The following CACNA2D1 variants were observed in gnomAD, a reference collection of about 807,000 sequenced individuals.
CACNA2D1 encodes the protein voltage-dependent calcium channel subunit alpha-2/delta-1.
Under a neutral mutation model 171.5 loss-of-function variants are expected in CACNA2D1, and 53 were observed. The ratio of observed to expected loss-of-function variants is 0.31; its 90% CI spans 0.25 to 0.39. The LOEUF (loss-of-function observed/expected upper bound fraction) is 0.39. CACNA2D1 is among the 10% of genes least tolerant of loss of function. The pLI, the probability that CACNA2D1 is intolerant of heterozygous loss-of-function variation, is 1.00. For synonymous variants in CACNA2D1, 442 were observed against 443.1 expected, an observed-to-expected ratio of 1.00 and a Z score of 0.03; for missense variants, 903 against 1,299.8, an observed-to-expected ratio of 0.69 and a Z score of 4.69.
chr7:82,359,323 CATG>C (rs1309308264), intron 1 of CACNA2D1, among the ~76,000 whole-genome samples: 1 of 151,938 alleles, frequency 6.6e-6, no homozygotes, highest in Non-Finnish European at 1.5e-5. Context: ...ATTTAATTAC[CATG>C]ATATTACTTA....
At chr7:82,077,531 A>G (rs984212871) in intron 7 of CACNA2D1, among the ~76,000 whole-genome samples, 3 of 152,168 alleles carry the variant, frequency 2.0e-5, no homozygotes, top group Non-Finnish European at 4.4e-5. Flanking sequence ...GCCCCAGTCT[A>G]CGTTAACTCT....
At chr7:82,162,605 T>C (rs112780335) in intron 4 of CACNA2D1, among the ~76,000 whole-genome samples, 1 of 151,646 alleles carries the variant, frequency 6.6e-6, no homozygotes. Context: ...AAAATGTAGA[T>C]GAATATTCTT....
intron 3 of CACNA2D1, among the ~76,000 whole-genome samples, chr7:82,243,958 G>C (rs2129300135): frequency 6.6e-6 from 1 of 152,178 alleles, no homozygotes; most frequent in South Asian, 2.1e-4. Context: ...AGGGACCAAA[G>C]ACTTAAAGAT....
intron 10 of CACNA2D1, among the ~76,000 whole-genome samples, chr7:82,048,380 C>A (rs1405739457): frequency 6.6e-6 from 1 of 151,960 alleles, no homozygotes; most frequent in Non-Finnish European, 1.5e-5. Flanking sequence ...CAAAACATTA[C>A]AAAGGTGAAT....
chr7:82,318,691 A>C (rs1450061654), intron 3 of CACNA2D1, among the ~76,000 whole-genome samples: 6 of 152,210 alleles, frequency 3.9e-5, no homozygotes, highest in Non-Finnish European at 8.8e-5. Context: ...ATCTGATGTA[A>C]AATAAAACAG....
intron 3 of CACNA2D1, among the ~76,000 whole-genome samples, chr7:82,174,329 G>A (rs551251798): frequency 2.8e-4 from 43 of 151,968 alleles, no homozygotes; most frequent in Non-Finnish European, 4.0e-4. Flanking sequence ...CTAATATTAC[G>A]ATATTCAGCA....
chr7:82,254,247 G>A (rs1806011162), intron 3 of CACNA2D1, among the ~76,000 whole-genome samples: 3 of 151,988 alleles, frequency 2.0e-5, no homozygotes, highest in Middle Eastern at 6.8e-3. Context: ...TTTCCCGAAT[G>A]TGCTTAGTAG....
intron 7 of CACNA2D1, among the ~76,000 whole-genome samples, chr7:82,082,708 T>C (rs1306192157): frequency 1.3e-5 from 2 of 151,132 alleles, no homozygotes; most frequent in African/African-American, 4.9e-5. Context: ...TGGAAACCCG[T>C]CCCATCTTCA....
chr7:82,303,145 C>T (rs972481228), intron 3 of CACNA2D1, among the ~76,000 whole-genome samples: 1 of 152,270 alleles, frequency 6.6e-6, no homozygotes, highest in African/African-American at 2.4e-5. Flanking sequence ...AGGCGCCCGC[C>T]ACCATGCCCA....
chr7:81,954,462 A>G (rs1196553786), intron 38 of CACNA2D1, among the ~76,000 whole-genome samples: 1 of 152,058 alleles, frequency 6.6e-6, no homozygotes, highest in Non-Finnish European at 1.5e-5. Context: ...AGTAAAATTC[A>G]TATGGTTTTT....
intron 1 of CACNA2D1, among the ~76,000 whole-genome samples, chr7:82,416,303 C>T (rs1353122279): frequency 6.6e-6 from 1 of 152,038 alleles, no homozygotes; most frequent in Non-Finnish European, 1.5e-5. Context: ...TGACAGTATG[C>T]TCCACCAGTC....
intron 3 of CACNA2D1, among the ~76,000 whole-genome samples, chr7:82,304,531 A>C (rs887592229): frequency 2.0e-5 from 3 of 152,164 alleles, no homozygotes; most frequent in Admixed American, 6.5e-5. Flanking sequence ...ACAAAAAAAG[A>C]ATGAAATTTT....
chr7:82,343,640 G>GT (rs1472531778), intron 2 of CACNA2D1, among the ~76,000 whole-genome samples: 6 of 151,954 alleles, frequency 3.9e-5, no homozygotes, highest in Non-Finnish European at 8.8e-5. Context: ...CTCTCTACCT[G>GT]TTTTTTTGTT....
At chr7:82,304,696 G>T (rs919951806) in intron 3 of CACNA2D1, among the ~76,000 whole-genome samples, 2 of 152,076 alleles carry the variant, frequency 1.3e-5, no homozygotes, top group Non-Finnish European at 2.9e-5. Flanking sequence ...ATAACCAGAG[G>T]CTAGGAATAT....
intron 3 of CACNA2D1, among the ~76,000 whole-genome samples, chr7:82,245,043 A>G (rs1804738279): frequency 1.3e-5 from 2 of 152,192 alleles, no homozygotes; most frequent in East Asian, 3.8e-4. Flanking sequence ...ATCTTTGATC[A>G]TTACTGCCTC....
chr7:82,281,309 G>A (rs561556047), intron 3 of CACNA2D1, among the ~76,000 whole-genome samples: 35 of 152,278 alleles, frequency 2.3e-4, no homozygotes, highest in African/African-American at 7.9e-4. Context: ...GTTTTTATAA[G>A]AACAAGTCAT....
chr7:82,375,871 C>T (rs911055464), intron 1 of CACNA2D1, among the ~76,000 whole-genome samples: 4 of 152,124 alleles, frequency 2.6e-5, no homozygotes, highest in African/African-American at 4.8e-5. Flanking sequence ...GTGATTGCCT[C>T]GGGCTCTCCT....
chr7:82,139,116 T>C (rs1792056454), intron 4 of CACNA2D1, among the ~76,000 whole-genome samples: 1 of 152,092 alleles, frequency 6.6e-6, no homozygotes, highest in Non-Finnish European at 1.5e-5. Flanking sequence ...AAAAAATAAC[T>C]CAAACCTATC....
intron 3 of CACNA2D1, among the ~76,000 whole-genome samples, chr7:82,220,258 A>C (rs2129246468): frequency 6.6e-6 from 1 of 152,342 alleles, no homozygotes; most frequent in Middle Eastern, 3.4e-3. Context: ...GGAAATCAAT[A>C]GATTGACGGT....
Sources: allele counts gnomAD v4.1 joint callset (sites outside exome capture counted in the v4.1 genomes callset), GRCh38; gene constraint gnomAD v4.1.1; transcripts MANE v1.5; gene names NCBI Gene and HGNC (gene_info 2026-07-23, HGNC 2026-07-21).